The following TMEM63C variants were observed in gnomAD, a reference collection of about 807,000 sequenced individuals.
TMEM63C encodes transmembrane protein 63C.
TMEM63C carries 32 observed loss-of-function variants against 99.2 expected under a neutral mutation model. The ratio of observed to expected loss-of-function variants is 0.32; its 90% CI spans 0.24 to 0.43. The LOEUF is 0.43. Ranked by LOEUF, TMEM63C falls within the 20% of genes least tolerant of loss-of-function variation. TMEM63C has a pLI of 1.00. For synonymous variants in TMEM63C, 376 were observed against 397.9 expected (o/e 0.94, Z 0.66); for missense variants, 826 against 1,053.0 (o/e 0.78, Z 2.98).
At chr14:77,212,881 T>TAACTAGGGGTCCTCCC (rs1566620771) in intron 1 of TMEM63C, among the ~76,000 whole-genome samples, 1 of 152,190 alleles carries the variant, frequency 6.6e-6, no homozygotes, top group Non-Finnish European at 1.5e-5. Context: ...TGGGGCCTTG[T>TAACTAGGGGTCCTCCC]AACTAGGGGT....
At chr14:77,239,554 T>C in intron 11 of TMEM63C, 49 bp from the exon 12 acceptor site, 14 of 1,612,430 alleles carry the variant, frequency 8.7e-6, no homozygotes, top group Non-Finnish European at 1.2e-5. Context: ...GATGGGGCTC[T>C]GCTGGCCCCT....
Position 77,239,591 on chromosome 14 carries a change from C to T in TMEM63C, c.807-12C>T, listed in dbSNP as rs768438857. 5 of 1,613,304 alleles carry T rather than the reference C, an allele frequency of 3.1e-6. No individual in the cohort carries two copies. Among genetic ancestry groups the T allele is most frequent in the Non-Finnish European group, 4.2e-6 (5 of 1,179,730 alleles). On this transcript the variant is annotated splice_polypyrimidine_tract_variant and intron_variant, in intron 11 of 23. Coordinates refer to ENST00000298351, the MANE Select transcript of TMEM63C (RefSeq NM_020431.4). ...ACCTGCAGGTCCTTCTCCTGTTGCC[C>T]ACCGCTGGCAGGCGCCATGCCATGC...
At chr14:77,205,923 G>C (rs973937893) in intron 1 of TMEM63C, among the ~76,000 whole-genome samples, 2 of 152,166 alleles carry the variant, frequency 1.3e-5, no homozygotes, top group African/African-American at 4.8e-5. Flanking sequence ...CACCCACTCT[G>C]GGCCTCAGCA....
intron 2 of TMEM63C, among the ~76,000 whole-genome samples, chr14:77,218,162 T>G (rs139319707): frequency 1.2e-4 from 18 of 149,934 alleles, no homozygotes; most frequent in Non-Finnish European, 1.8e-4. Context: ...TATATCTCAT[T>G]GCATGCCTGT....
At chr14:77,198,645 G>A (rs1034293751) in intron 1 of TMEM63C, among the ~76,000 whole-genome samples, 2 of 152,214 alleles carry the variant, frequency 1.3e-5, no homozygotes, top group African/African-American at 4.8e-5. Context: ...CTTTCCTTAG[G>A]TGGGGAAATT....
chr14:77,240,947 CTTTTTTTTT>C (rs533958957), intron 13 of TMEM63C, among the ~76,000 whole-genome samples: 1 of 67,096 alleles, frequency 1.5e-5, no homozygotes, highest in Non-Finnish European at 3.8e-5. Context: ...TTTTTTTTTT[CTTTTTTTTT>C]TTTTTTCTTT....
chr14:77,251,572 T>C lies in TMEM63C; in HGVS notation c.2039-217T>C. The C allele has an allele frequency of 1.4e-5, 8 of 566,254 alleles. No individual in the cohort carries two copies. The South Asian group carries it at 1.4e-4, about 10-fold the overall frequency. The allele number at this position is 566,254 out of a possible 1,614,324, so 35.1% of individuals were successfully genotyped here. A position where few individuals can be genotyped will look rare whatever the true frequency, so the allele number is the denominator to read the frequency against. ...GCACTGCAGTGGGTACTGAAGTCAATTAAAACATTTTTTCATGGACTCCAC... is the reference window on the plus strand; with the variant it reads ...GCACTGCAGTGGGTACTGAAGTCAACTAAAACATTTTTTCATGGACTCCAC... On this transcript the variant is annotated intron_variant, in intron 21 of 23. Transcript: ENST00000298351.
In TMEM63C at chr14:77,238,842, T is replaced by C. The variant is rs1889107096; in HGVS notation, c.725+75T>C. ...CCCGCCTGGGTCCTCAAGTGGGTAG[T>C]GAGTTGGTGCAGGATGGTGGGACTG... On this transcript the variant is annotated intron_variant, in intron 10 of 23. Transcript: ENST00000298351. The C allele has an allele frequency of 3.3e-6, 4 of 1,217,794 alleles. No homozygotes were observed. In the South Asian group the frequency reaches 3.7e-5, roughly 11 times the overall value. The allele number at this position is 1,217,794 out of a possible 1,614,324, so 75.4% of individuals were successfully genotyped here.
intron 2 of TMEM63C, among the ~76,000 whole-genome samples, chr14:77,216,599 C>G (rs1458300061): frequency 1.3e-5 from 2 of 152,206 alleles, no homozygotes; most frequent in African/African-American, 4.8e-5. Context: ...CTTTCTGCCT[C>G]TCCCATTCCA....
At chr14:77,227,608 C>T (rs1888852048) in intron 6 of TMEM63C, among the ~76,000 whole-genome samples, 1 of 152,088 alleles carries the variant, frequency 6.6e-6, no homozygotes, top group Non-Finnish European at 1.5e-5. Flanking sequence ...GATGTAAGAC[C>T]AGAAGCGGCC....
In TMEM63C at chr14:77,258,912, T is replaced by C. The variant is rs1018489384; in HGVS notation, c.*2186T>C. 1 of 152,302 alleles carries C rather than the reference T, an allele frequency of 6.6e-6. No individual in the cohort carries two copies. The highest frequency in any genetic ancestry group is 2.4e-5 in the African/African-American group (1 of 41,460). 9.4% of individuals were successfully genotyped at this position (152,302 alleles called of 1,614,324 possible). On this transcript the variant is annotated 3_prime_UTR_variant, in exon 24 of 24. Transcript: ENST00000298351. ...GAACCTGGGTCCAGTGTAGCCTGGC[T>C]CTGAGAGAAGGTGGTGAGCATGTGG...
chr14:77,242,872 A>G (rs1889203312), intron 14 of TMEM63C, 31 bp from the exon 15 acceptor site: 3 of 1,613,646 alleles, frequency 1.9e-6, no homozygotes, highest in African/African-American at 2.7e-5. Context: ...TGATGTCTCT[A>G]AATGTGCCTC....
chr14:77,185,608 T>C (rs1420944830), intron 1 of TMEM63C, among the ~76,000 whole-genome samples: 1 of 152,158 alleles, frequency 6.6e-6, no homozygotes, highest in East Asian at 1.9e-4. Flanking sequence ...CTCATTGCCT[T>C]AGGGTGTCTG....
At chr14:77,206,447 C>T (rs922839482) in intron 1 of TMEM63C, among the ~76,000 whole-genome samples, 5 of 152,244 alleles carry the variant, frequency 3.3e-5, no homozygotes, top group Admixed American at 1.3e-4. Context: ...GCCCAGGGAC[C>T]TGGTGGCCAC....
rs903366844 is a variant in TMEM63C at position 77,183,326 on chromosome 14, T to C, written c.-77+1432T>C. 2.6e-5 allele frequency among the ~76,000 whole-genome samples: 4 copies of C among 152,212 alleles called. 1 individual carries two copies. In the East Asian group the frequency reaches 7.7e-4, roughly 29 times the overall value. On this transcript the variant is annotated intron_variant, in intron 1 of 23. Coordinates refer to ENST00000298351, the MANE Select transcript of TMEM63C (RefSeq NM_020431.4). ...CTGAGAAGCTGAGGCTGCAAGGGCC[T>C]CCTGATGGGTGTGGAGGAGGTCGGT...
chr14:77,195,683 G>T (rs1195610936), intron 1 of TMEM63C, among the ~76,000 whole-genome samples: 1 of 152,206 alleles, frequency 6.6e-6, no homozygotes, highest in Non-Finnish European at 1.5e-5. Flanking sequence ...CCCCACAGCA[G>T]CAAGGGAAGG....
intron 1 of TMEM63C, among the ~76,000 whole-genome samples, chr14:77,186,506 C>G (rs990833456): frequency 7.9e-5 from 12 of 152,064 alleles, no homozygotes; most frequent in African/African-American, 2.4e-4. Context: ...GAGTTCAAGA[C>G]CAGCCTGGGC....
intron 1 of TMEM63C, among the ~76,000 whole-genome samples, chr14:77,211,651 G>T (rs981521782): frequency 6.6e-6 from 1 of 152,166 alleles, no homozygotes; most frequent in African/African-American, 2.4e-5. Flanking sequence ...GGAGGCCTGG[G>T]AGTGAGCAGT....
intron 5 of TMEM63C, among the ~76,000 whole-genome samples, chr14:77,224,192 G>A (rs758416626): frequency 2.6e-5 from 4 of 152,026 alleles, no homozygotes; most frequent in African/African-American, 4.8e-5. Flanking sequence ...GACTTATGCC[G>A]AGGGGAGCAA....
Sources: allele counts gnomAD v4.1 joint callset (sites outside exome capture counted in the v4.1 genomes callset), GRCh38; gene constraint gnomAD v4.1.1; transcripts MANE v1.5; gene names NCBI Gene and HGNC (gene_info 2026-07-23, HGNC 2026-07-21).